The following UBOX5 variants were observed in gnomAD, a reference collection of about 807,000 sequenced individuals.
UBOX5 encodes the protein RING finger protein 37.
In UBOX5, 28 loss-of-function variants were observed where a neutral mutation model predicts 39.0. The ratio of observed to expected loss-of-function variants is 0.72; its 90% CI spans 0.53 to 0.98. The LOEUF is 0.98. UBOX5 is among the 50% of genes least tolerant of loss of function. The pLI, the probability that UBOX5 is intolerant of heterozygous loss-of-function variation, is 0.00. For missense variants in UBOX5, 585 were observed against 674.4 expected (o/e 0.87, Z 1.47); for synonymous variants, 283 against 275.5 (o/e 1.03, Z -0.27).
chr20:3,150,664 C>T (rs2066615011), intron 1 of UBOX5: 1 of 152,200 alleles, frequency 6.6e-6, no homozygotes, highest in South Asian at 2.1e-4. Context: ...GAAATGCCTG[C>T]CTAACTCTGC....
chr20:3,147,495 GAC>G (rs1219213658), intron 1 of UBOX5: 1 of 1,614,146 alleles, frequency 6.2e-7, no homozygotes, highest in Non-Finnish European at 8.5e-7. Flanking sequence ...CTGTAATCTG[GAC>G]ACTCAATGCC....
chr20:3,115,631 G>A (rs747032009), intron 3 of UBOX5, among the ~76,000 whole-genome samples, 165 bp from the exon 4 acceptor site: 3 of 152,162 alleles, frequency 2.0e-5, no homozygotes, highest in Non-Finnish European at 4.4e-5. Flanking sequence ...ACACCGGGAG[G>A]TAAAGCCCTA....
chr20:3,158,222 C>T (rs2066709371), intron 1 of UBOX5, among the ~76,000 whole-genome samples: 1 of 152,068 alleles, frequency 6.6e-6, no homozygotes, highest in South Asian at 2.1e-4. Flanking sequence ...CCTTCCACTT[C>T]GGCCTCCCAA....
intron 2 of UBOX5, 101 bp downstream of exon 2, chr20:3,123,210 AG>A: frequency 1.6e-6 from 2 of 1,254,912 alleles, no homozygotes; most frequent in South Asian, 2.5e-5. Flanking sequence ...CAAGAGCAAA[AG>A]TGCAGTAAGC....
intron 1 of UBOX5, among the ~76,000 whole-genome samples, chr20:3,157,909 T>C (rs1025796187): frequency 2.0e-5 from 3 of 152,162 alleles, no homozygotes; most frequent in African/African-American, 7.2e-5. Flanking sequence ...TTTTGTTTTT[T>C]TTTTCAGACA....
chr20:3,111,005 T>C (rs7268061), intron 4 of UBOX5, among the ~76,000 whole-genome samples: 29,171 of 152,118 alleles, frequency 0.19, 3,347 homozygotes, highest in East Asian at 0.42. Flanking sequence ...CCCTCACTGC[T>C]ACTGGCAGCC....
intron 1 of UBOX5, among the ~76,000 whole-genome samples, chr20:3,139,388 T>A (rs2066497452): frequency 6.6e-6 from 1 of 151,962 alleles, no homozygotes; most frequent in South Asian, 2.1e-4. Flanking sequence ...TTAATTTTTA[T>A]TTATTTATTT....
chr20:3,118,615 T>A (rs1568469621), intron 3 of UBOX5, among the ~76,000 whole-genome samples: 1 of 151,664 alleles, frequency 6.6e-6, no homozygotes, highest in Non-Finnish European at 1.5e-5. Flanking sequence ...CTAAAAGTAT[T>A]AAAAAAATTA....
chr20:3,152,252 G>A lies in UBOX5; in HGVS notation c.-42+7514C>T, dbSNP rs936313889. Among the ~76,000 whole-genome samples, 20 of 151,830 alleles carry A rather than the reference G, an allele frequency of 1.3e-4. No individual in the cohort carries two copies. The East Asian group carries it at 2.1e-3, about 16-fold the overall frequency. ...TCCCAGCACTTTGGGAGGCTGAGGC[G>A]GGTGGATCTATGAGGTCAGGCATTC... On this transcript the variant is annotated intron_variant, in intron 1 of 4. Transcript: ENST00000217173.
In UBOX5 at chr20:3,148,169, T is replaced by G. The variant is rs1175566485; in HGVS notation, c.-42+11597A>C. Reference sequence around the variant, plus strand: ...ATATTTAAGGATCAATGATTCCAATTTTTGCATTAGGTCCTGGGATACCTG... The same window carrying G: ...ATATTTAAGGATCAATGATTCCAATGTTTGCATTAGGTCCTGGGATACCTG... On this transcript the variant is annotated intron_variant, in intron 1 of 4. Coordinates refer to ENST00000217173, the MANE Select transcript of UBOX5 (RefSeq NM_014948.4). 9.3e-6 allele frequency: 15 copies of G among 1,613,690 alleles called. No individual in the cohort carries two copies. In the Middle Eastern group the frequency reaches 6.6e-4, roughly 71 times the overall value.
chr20:3,134,486 A>G lies in UBOX5; in HGVS notation c.-41-11080T>C, dbSNP rs1600390613. The stretch of plus-strand genomic sequence containing the variant: ...AATAGAATATATGCTTGAACCCGGG[A>G]GGTGGAGGTTGCAGTGAGCTAAGTT... On this transcript the variant is annotated intron_variant, in intron 1 of 4. Transcript: ENST00000217173. Among the ~76,000 whole-genome samples, 4 of 138,484 alleles carry G rather than the reference A, an allele frequency of 2.9e-5. No individual in the cohort carries two copies. In the Middle Eastern group the frequency reaches 0.012, roughly 399 times the overall value. The allele number at this position is 138,484 out of a possible 152,430, so 90.9% of individuals were successfully genotyped here.
intron 4 of UBOX5, among the ~76,000 whole-genome samples, chr20:3,113,785 G>T (rs1251911318): frequency 6.6e-6 from 1 of 152,162 alleles, no homozygotes; most frequent in Non-Finnish European, 1.5e-5. Flanking sequence ...GCAGTGAGGG[G>T]GAAAAGCTCT....
At chr20:3,120,489 A>G (rs1298482245) in intron 3 of UBOX5, among the ~76,000 whole-genome samples, 1 of 151,738 alleles carries the variant, frequency 6.6e-6, no homozygotes, top group East Asian at 1.9e-4. Flanking sequence ...TTTACTAAAA[A>G]TACAAAAACT....
chr20:3,152,613 G>T (rs2066642514), intron 1 of UBOX5, among the ~76,000 whole-genome samples: 1 of 152,058 alleles, frequency 6.6e-6, no homozygotes, highest in Non-Finnish European at 1.5e-5. Context: ...TCTCATTTGA[G>T]GAAGGAGATC....
At chr20:3,145,098 T>C (rs2066548631) in intron 1 of UBOX5, among the ~76,000 whole-genome samples, 1 of 151,496 alleles carries the variant, frequency 6.6e-6, no homozygotes, top group Non-Finnish European at 1.5e-5. Flanking sequence ...ATTTTAATTT[T>C]AGAGCACGTG....
chr20:3,109,942 G>C lies in UBOX5; in HGVS notation c.*164C>G. 1.3e-6 allele frequency: 1 copy of C among 775,580 alleles called. No homozygotes were observed. The highest frequency in any genetic ancestry group is 3.8e-4 in the Middle Eastern group (1 of 2,648). 48.0% of individuals were successfully genotyped at this position (775,580 alleles called of 1,614,324 possible). ...GCTTTGTTGCCCTATTGCCACCAGC[G>C]CAGAAGCAATGTGCTATACCGTGAG... On this transcript the variant is annotated 3_prime_UTR_variant, in exon 5 of 5. Transcript: ENST00000217173.
intron 1 of UBOX5, among the ~76,000 whole-genome samples, chr20:3,159,400 C>G (rs1406390185): frequency 1.3e-5 from 2 of 152,210 alleles, no homozygotes; most frequent in Non-Finnish European, 2.9e-5. Flanking sequence ...GAATCAGAAT[C>G]TCTAAGCGAT....
intron 1 of UBOX5, among the ~76,000 whole-genome samples, chr20:3,157,594 T>C (rs1313661641): frequency 6.6e-6 from 1 of 152,168 alleles, no homozygotes; most frequent in East Asian, 1.9e-4. Context: ...AGCTACTGCT[T>C]TTAAAGGGTT....
chr20:3,146,475 T>A (rs2066564166), intron 1 of UBOX5: 2 of 263,546 alleles, frequency 7.6e-6, no homozygotes, highest in Non-Finnish European at 1.4e-5. Context: ...CTAAAAACTC[T>A]GTGACATAAG....
Sources: allele counts gnomAD v4.1 joint callset (sites outside exome capture counted in the v4.1 genomes callset), GRCh38; gene constraint gnomAD v4.1.1; transcripts MANE v1.5; gene names NCBI Gene and HGNC (gene_info 2026-07-23, HGNC 2026-07-21).